The following ESR2 variants were observed in gnomAD, a reference collection of about 807,000 sequenced individuals.
ESR2 encodes estrogen receptor 2.
In ESR2, 36 loss-of-function variants were observed where a neutral mutation model predicts 49.6. The observed-to-expected ratio is 0.73, with a 90% CI of 0.56 to 0.96. ESR2 has a LOEUF of 0.96. Among genes scored for constraint, ESR2 ranks in the 40% least tolerant of loss-of-function variants. The probability of loss-of-function intolerance (pLI) is 0.00; values close to 1 mark genes in which losing one functional copy is unlikely to be tolerated. For missense variants in ESR2, 714 were observed against 693.0 expected (o/e 1.03, Z -0.34); for synonymous variants, 320 against 266.1 (o/e 1.20, Z -1.97).
chr14:64,266,615 T>A (rs1417818069), intron 4 of ESR2, among the ~76,000 whole-genome samples: 1 of 152,250 alleles, frequency 6.6e-6, no homozygotes, highest in East Asian at 1.9e-4. Flanking sequence ...TGCAATCTTT[T>A]GTCAGAGTGC....
chr14:64,240,771 T>G (rs939341793), intron 7 of ESR2, among the ~76,000 whole-genome samples: 4 of 152,176 alleles, frequency 2.6e-5, no homozygotes, highest in African/African-American at 9.7e-5. Context: ...AAATGTTCAT[T>G]ACTGTATTAT....
chr14:64,259,664 C>T (rs1319209117), intron 5 of ESR2, among the ~76,000 whole-genome samples: 1 of 152,206 alleles, frequency 6.6e-6, no homozygotes, highest in Non-Finnish European at 1.5e-5. Flanking sequence ...CAAGTGACAA[C>T]TCATGAGTAA....
rs1451169980 is a variant in ESR2, at chr14:64,233,276, A to G, written c.1454T>C (p.Val485Ala). 6.2e-7 allele frequency: 1 copy of G among 1,614,158 alleles called. No homozygotes were observed. The highest frequency in any genetic ancestry group is 8.5e-7 in the Non-Finnish European group (1 of 1,180,006). ...CTCCAGCAGCAGGTCATACACTGGG[A>G]CCACATTTTTGCACTTCATGTTGAG... ...HLLNMKCKNV[V>A]PVYDLLLEML... Residue 485 changes from valine to alanine, a missense_variant, in exon 9 of 9, where the codon GTC becomes GCC. Val to Ala is a moderately conservative substitution (Grantham distance 64). Coordinates refer to ENST00000341099, the MANE Select transcript of ESR2 (RefSeq NM_001437.3).
At chr14:64,329,132 G>C (rs2077423735) in intron 1 of ESR2, among the ~76,000 whole-genome samples, 1 of 152,102 alleles carries the variant, frequency 6.6e-6, no homozygotes, top group Non-Finnish European at 1.5e-5. Context: ...TAAAGGATCA[G>C]AAAGATGCCT....
chr14:64,258,124 G>A (rs1039568459), intron 5 of ESR2, among the ~76,000 whole-genome samples: 9 of 152,070 alleles, frequency 5.9e-5, no homozygotes, highest in African/African-American at 1.9e-4. Context: ...TGGGATGATC[G>A]CCTGAGCCCA....
In ESR2 at chr14:64,294,095, A is replaced by AC. The variant is rs1555590263; in HGVS notation, c.-154_-153insG. On this transcript the variant is annotated 5_prime_UTR_variant, in exon 1 of 9. Coordinates refer to ENST00000341099, the MANE Select transcript of ESR2 (RefSeq NM_001437.3). ...TGCGGACACGTGCTTTTCCCGCATTAGGGGGGGTCTCCCGGCGCGCGCCCC... is the reference window on the plus strand; with the variant it reads ...TGCGGACACGTGCTTTTCCCGCATTACGGGGGGGTCTCCCGGCGCGCGCCCC... The AC allele has an allele frequency of 6.6e-6, 1 of 152,270 alleles. No individual in the cohort carries two copies. The highest frequency in any genetic ancestry group is 2.4e-5 in the African/African-American group (1 of 41,450). 9.4% of individuals were successfully genotyped at this position (152,270 alleles called of 1,614,324 possible). A position where few individuals can be genotyped will look rare whatever the true frequency, so the allele number is the denominator to read the frequency against.
At chr14:64,298,184 T>C (rs377234581), upstream of ESR2, among the ~76,000 whole-genome samples, 8 of 152,346 alleles carry the variant, frequency 5.3e-5, no homozygotes, top group South Asian at 6.2e-4. Context: ...ACAAACCTAA[T>C]ATTTATTGAG....
intron 1 of ESR2, among the ~76,000 whole-genome samples, chr14:64,318,332 T>C (rs1431179394): frequency 6.6e-6 from 1 of 150,618 alleles, no homozygotes; most frequent in Non-Finnish European, 1.5e-5. Flanking sequence ...AGGTTAGGAG[T>C]TCGAGACCAG....
intron 7 of ESR2, among the ~76,000 whole-genome samples, chr14:64,239,920 C>A (rs745353739): frequency 1.1e-4 from 17 of 152,174 alleles, no homozygotes; most frequent in Non-Finnish European, 2.4e-4. Context: ...ATGGATCAGA[C>A]CTTTGATTAA....
Position 64,282,969 on chromosome 14 carries a change from G to A in ESR2, c.17C>T (p.Ser6Leu), listed in dbSNP as rs774665914. MDIKN[S>L]PSSLNSPSSY... ...GGAAGGAGAATTAAGGCTAGATGGT[G>A]AGTTTTTTATATCCATGTCTTGAGA... Residue 6 changes from serine (S) to leucine (L), a missense_variant, in exon 2 of 9, where the codon TCA becomes TTA. Ser to Leu is a moderately radical substitution (Grantham distance 145). Transcript: ENST00000341099. 3 of 1,612,356 alleles carry A rather than the reference G, an allele frequency of 1.9e-6. No individual in the cohort carries two copies. Among genetic ancestry groups the A allele is most frequent in the African/African-American group, 2.7e-5 (2 of 74,880 alleles).
rs2098724332 is a variant in ESR2, at chr14:64,228,394, G to A, written c.*4743C>T. 6.6e-6 allele frequency among the ~76,000 whole-genome samples: 1 copy of A among 152,146 alleles called. No individual in the cohort carries two copies. Reference sequence around the variant, plus strand: ...ACGACAGTGCCATAGACATTAAAGGGACACAGTAAGGAAAACACTCCCTGG... The same window carrying A: ...ACGACAGTGCCATAGACATTAAAGGAACACAGTAAGGAAAACACTCCCTGG... On this transcript the variant is annotated 3_prime_UTR_variant, in exon 9 of 9. Transcript: ENST00000341099.
Position 64,230,068 on chromosome 14 carries a change from G to A in ESR2, c.*3069C>T, listed in dbSNP as rs764073581. ...GTGGTGTGCACCCCAGCTACTCGGC[G>A]AGGGCGGGAATGGGGTGGGATGGGG... On this transcript the variant is annotated 3_prime_UTR_variant, in exon 9 of 9. Transcript: ENST00000341099. 6.6e-6 allele frequency among the ~76,000 whole-genome samples: 1 copy of A among 151,730 alleles called. No individual in the cohort carries two copies.
Position 64,254,690 on chromosome 14 carries a change from G to A in ESR2, c.1091+2536C>T, listed in dbSNP as rs370664713. On this transcript the variant is annotated intron_variant, in intron 6 of 8. Transcript: ENST00000341099. ...CAAGAATCACTTGAGCTTGGGAGGC[G>A]GAGATTGCAGTGAGCTGAGATCATG... Among the ~76,000 whole-genome samples the A allele has an allele frequency of 1.8e-3, 277 of 152,078 alleles. 1 individual carries two copies. The highest frequency in any genetic ancestry group is 6.2e-3 in the African/African-American group (257 of 41,464).
In ESR2 at chr14:64,260,765, A is replaced by C; in HGVS notation, c.653-17T>G. ...TCCGGGAGCCTGAAGAGGAAAGCAGAGTCATTCGAATTGCCAGGGTAAAAC... is the reference window on the plus strand; with the variant it reads ...TCCGGGAGCCTGAAGAGGAAAGCAGCGTCATTCGAATTGCCAGGGTAAAAC... On this transcript the variant is annotated splice_polypyrimidine_tract_variant and intron_variant, in intron 4 of 8. Transcript: ENST00000341099. 3 of 1,442,380 alleles carry C rather than the reference A, an allele frequency of 2.1e-6. No homozygotes were observed. Among genetic ancestry groups the C allele is most frequent in the Non-Finnish European group, 2.7e-6 (3 of 1,097,280 alleles). 89.3% of individuals were successfully genotyped at this position (1,442,380 alleles called of 1,614,324 possible). A position where few individuals can be genotyped will look rare whatever the true frequency, so the allele number is the denominator to read the frequency against.
upstream of ESR2, among the ~76,000 whole-genome samples, chr14:64,295,512 A>G (rs760682256): frequency 5.3e-5 from 8 of 152,168 alleles, no homozygotes; most frequent in Non-Finnish European, 1.0e-4. Flanking sequence ...CCTAAGTCCA[A>G]TTTTCATTAA....
chr14:64,293,868 T>C (rs2076911107), intron 1 of ESR2, among the ~76,000 whole-genome samples, 165 bp downstream of exon 1: 1 of 152,242 alleles, frequency 6.6e-6, no homozygotes, highest in African/African-American at 2.4e-5. Context: ...AATGAAGACA[T>C]TTAATCAAAG....
chr14:64,269,222 G>T (rs938985880), intron 3 of ESR2, among the ~76,000 whole-genome samples: 3 of 152,078 alleles, frequency 2.0e-5, no homozygotes, highest in Admixed American at 6.5e-5. Flanking sequence ...AAATTGATTT[G>T]CTCCAAGTCA....
At chr14:64,290,884 C>G (rs2076859955) in intron 1 of ESR2, among the ~76,000 whole-genome samples, 1 of 152,144 alleles carries the variant, frequency 6.6e-6, no homozygotes, top group African/African-American at 2.4e-5. Context: ...GCTAATTCTC[C>G]TAGTAACCAA....
At chr14:64,293,794 A>C (rs961269294) in intron 1 of ESR2, among the ~76,000 whole-genome samples, 1 of 152,252 alleles carries the variant, frequency 6.6e-6, no homozygotes, top group Non-Finnish European at 1.5e-5. Flanking sequence ...TCAGTTATTC[A>C]TATTAGCACA....
Sources: gnomAD v4.1 joint callset for allele counts (sites outside exome capture counted in the v4.1 genomes callset) on GRCh38, gnomAD v4.1.1 for gene constraint, MANE v1.5 for transcripts, NCBI Gene and HGNC (gene_info 2026-07-23, HGNC 2026-07-21) for gene names.